The following ITGA8 variants were observed in gnomAD, a reference collection of about 807,000 sequenced individuals.
ITGA8 encodes integrin subunit alpha 8.
Under a neutral mutation model 142.3 loss-of-function variants are expected in ITGA8, and 91 were observed. That is an observed-to-expected ratio of 0.64 (90% CI 0.54 to 0.76). The LOEUF (loss-of-function observed/expected upper bound fraction) is 0.76, where lower values mean the gene tolerates loss of function less well. Among genes scored for constraint, ITGA8 ranks in the 30% least tolerant of loss-of-function variants. The probability of loss-of-function intolerance (pLI) is 0.00; values close to 1 mark genes in which losing one functional copy is unlikely to be tolerated. For synonymous variants in ITGA8, 505 were observed against 485.2 expected (o/e 1.04, Z -0.54); for missense variants, 1,406 against 1,327.7 (o/e 1.06, Z -0.92).
intron 13 of ITGA8, among the ~76,000 whole-genome samples, chr10:15,638,710 T>C (rs1024718829): frequency 6.6e-6 from 1 of 152,234 alleles, no homozygotes; most frequent in African/African-American, 2.4e-5. Context: ...GTTTTTGCAT[T>C]TGTTTTCTCA....
intron 4 of ITGA8, among the ~76,000 whole-genome samples, chr10:15,679,224 T>A (rs536305850): frequency 1.3e-5 from 2 of 152,304 alleles, no homozygotes; most frequent in East Asian, 3.9e-4. Context: ...CCTTTGTAGA[T>A]GTCATCTTCT....
intron 25 of ITGA8, among the ~76,000 whole-genome samples, chr10:15,564,041 A>C (rs1834031740): frequency 6.6e-6 from 1 of 152,198 alleles, no homozygotes; most frequent in South Asian, 2.1e-4. Flanking sequence ...TGTCATTCAC[A>C]AACATTTTAA....
At chr10:15,638,639 G>A (rs183219299) in intron 13 of ITGA8, among the ~76,000 whole-genome samples, 2 of 152,296 alleles carry the variant, frequency 1.3e-5, no homozygotes, top group Admixed American at 1.3e-4. Flanking sequence ...TCTCAGGGGT[G>A]TTCCATTCCC....
At position 15,515,439 on chromosome 10, in the gene ITGA8, T is replaced by A. The variant is rs950372383; in HGVS notation, c.*1719A>T. Reference sequence around the variant, plus strand: ...ATGAAGTTCCGCAGCTGTAGCCAAATGGCTCCTCTCCAGCTTATGGCATGA... The same window carrying A: ...ATGAAGTTCCGCAGCTGTAGCCAAAAGGCTCCTCTCCAGCTTATGGCATGA... On this transcript the variant is annotated 3_prime_UTR_variant, in exon 30 of 30. Coordinates refer to ENST00000378076, the MANE Select transcript of ITGA8 (RefSeq NM_003638.3). 3 of 152,238 alleles carry A rather than the reference T, an allele frequency of 2.0e-5. No individual in the cohort carries two copies. The highest frequency in any genetic ancestry group is 4.4e-5 in the Non-Finnish European group (3 of 68,042). The allele number at this position is 152,238 out of a possible 1,614,324, so 9.4% of individuals were successfully genotyped here. A position where few individuals can be genotyped will look rare whatever the true frequency, so the allele number is the denominator to read the frequency against.
rs937311667 is a variant in ITGA8 at position 15,541,367 on chromosome 10, G to A, written c.2880+7088C>T. Among the ~76,000 whole-genome samples, 6 of 152,204 alleles carry A rather than the reference G, an allele frequency of 3.9e-5. No homozygotes were observed. In the East Asian group the frequency reaches 5.8e-4, roughly 15 times the overall value. ...CCTGCATCACTTTGGCATCTCAAACGAAGCCATCAAGGTGGTATTTCCAGA... is the reference window on the plus strand; with the variant it reads ...CCTGCATCACTTTGGCATCTCAAACAAAGCCATCAAGGTGGTATTTCCAGA... On this transcript the variant is annotated intron_variant, in intron 27 of 29. Coordinates refer to ENST00000378076, the MANE Select transcript of ITGA8 (RefSeq NM_003638.3).
At chr10:15,692,045 C>T (rs918455740) in intron 2 of ITGA8, among the ~76,000 whole-genome samples, 1 of 152,094 alleles carries the variant, frequency 6.6e-6, no homozygotes, top group African/African-American at 2.4e-5. Flanking sequence ...TCAAGTGATC[C>T]TCCCATCTCA....
At chr10:15,573,230 A>G (rs1016620363) in intron 24 of ITGA8, among the ~76,000 whole-genome samples, 3 of 152,178 alleles carry the variant, frequency 2.0e-5, no homozygotes, top group Admixed American at 6.5e-5. Flanking sequence ...AATGTACACA[A>G]TATTTGATGA....
chr10:15,548,411 C>T, intron 27 of ITGA8, 44 bp downstream of exon 27: 1 of 1,326,520 alleles, frequency 7.5e-7, no homozygotes, highest in Non-Finnish European at 1.1e-6. Context: ...TGTGAAGCAG[C>T]TCCCAGTGAG....
At position 15,517,039 on chromosome 10, in the gene ITGA8, C is replaced by CGA; in HGVS notation, c.*118_*119insTC. 1 of 518,612 alleles carries CGA rather than the reference C, an allele frequency of 1.9e-6. No individual in the cohort carries two copies. The highest frequency in any genetic ancestry group is 3.1e-6 in the Non-Finnish European group (1 of 321,460). 32.1% of individuals were successfully genotyped at this position (518,612 alleles called of 1,614,324 possible). ...AGATGAGGTGATGTTTCCAGGGTCC[C>CGA]CTCCATTTCCTGGGTCACTGTCAGG... On this transcript the variant is annotated 3_prime_UTR_variant, in exon 30 of 30. Transcript: ENST00000378076.
intron 25 of ITGA8, among the ~76,000 whole-genome samples, chr10:15,566,149 C>G (rs753271512): frequency 6.6e-6 from 1 of 152,110 alleles, no homozygotes; most frequent in African/African-American, 2.4e-5. Context: ...AAAGAACGGA[C>G]GGTTTCTGTG....
In ITGA8 at chr10:15,674,509, G is replaced by A. The variant is rs1328395704; in HGVS notation, c.677-1760C>T. Among the ~76,000 whole-genome samples the A allele has an allele frequency of 2.6e-5, 4 of 152,114 alleles. No homozygotes were observed. The South Asian group carries it at 6.2e-4, about 24-fold the overall frequency. On this transcript the variant is annotated intron_variant, in intron 6 of 29. Transcript: ENST00000378076. Reference sequence around the variant, plus strand: ...CCGTAAATATAATTTTAATTTTGTAGCCATCTGTTGTGCAAAATATATAGT... The same window carrying A: ...CCGTAAATATAATTTTAATTTTGTAACCATCTGTTGTGCAAAATATATAGT...
intron 25 of ITGA8, among the ~76,000 whole-genome samples, chr10:15,565,988 C>T (rs765722801): frequency 1.3e-5 from 2 of 151,938 alleles, no homozygotes; most frequent in African/African-American, 2.4e-5. Flanking sequence ...AAGTAACGAG[C>T]GCCTGCATTC....
chr10:15,692,840 G>T (rs1210562889), intron 2 of ITGA8, among the ~76,000 whole-genome samples: 1 of 152,200 alleles, frequency 6.6e-6, no homozygotes, highest in Non-Finnish European at 1.5e-5. Flanking sequence ...GACCAAGGCA[G>T]GTGGATCACT....
chr10:15,632,153 A>G (rs1021317564), intron 13 of ITGA8, among the ~76,000 whole-genome samples: 1 of 151,572 alleles, frequency 6.6e-6, no homozygotes, highest in African/African-American at 2.4e-5. Context: ...ACCTGATTCA[A>G]GCATGGGGAG....
chr10:15,662,250 C>CA (rs1477419009), intron 8 of ITGA8, among the ~76,000 whole-genome samples: 2 of 138,952 alleles, frequency 1.4e-5, no homozygotes, highest in African/African-American at 5.4e-5. Flanking sequence ...CACTCAACTA[C>CA]AAAAAATATT....
At chr10:15,687,051 T>C (rs1182546808) in intron 3 of ITGA8, among the ~76,000 whole-genome samples, 1 of 152,186 alleles carries the variant, frequency 6.6e-6, no homozygotes, top group East Asian at 1.9e-4. Flanking sequence ...AAAATTATAT[T>C]AATGCAAAGA....
chr10:15,683,935 C>A (rs1834788286), intron 4 of ITGA8, 69 bp downstream of exon 4: 5 of 1,575,760 alleles, frequency 3.2e-6, no homozygotes, highest in Admixed American at 3.5e-5. Context: ...TTTGAGCCTA[C>A]CTGCACTCCT....
At chr10:15,564,602 A>C (rs1052916288) in intron 25 of ITGA8, among the ~76,000 whole-genome samples, 2 of 152,234 alleles carry the variant, frequency 1.3e-5, no homozygotes, top group African/African-American at 4.8e-5. Context: ...TATTTTCATC[A>C]TTCTTTACCA....
At chr10:15,535,044 G>C (rs182632754) in intron 27 of ITGA8, among the ~76,000 whole-genome samples, 158 of 152,278 alleles carry the variant, frequency 1.0e-3, no homozygotes, top group Middle Eastern at 0.01. Flanking sequence ...TGAGTTCCGC[G>C]GGTGAGTGTG....
Sources: gnomAD v4.1 joint callset for allele counts (sites outside exome capture counted in the v4.1 genomes callset) on GRCh38, gnomAD v4.1.1 for gene constraint, MANE v1.5 for transcripts, NCBI Gene and HGNC (gene_info 2026-07-23, HGNC 2026-07-21) for gene names.